The following PDE7B variants were observed in gnomAD, a reference collection of about 807,000 sequenced individuals.
PDE7B encodes phosphodiesterase 7B.
In PDE7B, 29 loss-of-function variants were observed where a neutral mutation model predicts 56.2. That is an observed-to-expected ratio of 0.52 (90% CI 0.38 to 0.70). PDE7B has a LOEUF of 0.70. PDE7B is among the 30% of genes least tolerant of loss of function. The probability of loss-of-function intolerance (pLI) is 0.00; values close to 1 mark genes in which losing one functional copy is unlikely to be tolerated. For synonymous variants in PDE7B, 197 were observed against 196.9 expected (o/e 1.00, Z 0.00); for missense variants, 490 against 565.0 (o/e 0.87, Z 1.35).
At chr6:135,950,707 G>C (rs1437994849) in intron 2 of PDE7B, among the ~76,000 whole-genome samples, 1 of 152,078 alleles carries the variant, frequency 6.6e-6, no homozygotes, top group Non-Finnish European at 1.5e-5. Flanking sequence ...CAGTTGGGGT[G>C]GAATCTGGAG....
intron 1 of PDE7B, among the ~76,000 whole-genome samples, chr6:135,908,046 T>A (rs964858106): frequency 3.3e-5 from 5 of 152,088 alleles, no homozygotes; most frequent in African/African-American, 9.7e-5. Context: ...TTAGATAATA[T>A]TTTGTGGAGT....
rs187886604 is a variant in PDE7B, at chr6:135,934,513, G to A, written c.22-12951G>A. ...AGGCCAAGGCAGGCGGATCACCTGA[G>A]GTCAGGAGTTCGAGACCAGTCTGGC... On this transcript the variant is annotated intron_variant, in intron 1 of 12. Transcript: ENST00000308191. Among the ~76,000 whole-genome samples, 222 of 151,436 alleles carry A rather than the reference G, an allele frequency of 1.5e-3. No homozygotes were observed. In the South Asian group the frequency reaches 0.022, roughly 15 times the overall value.
chr6:135,916,119 G>T (rs1773928679), intron 1 of PDE7B, among the ~76,000 whole-genome samples: 2 of 152,112 alleles, frequency 1.3e-5, no homozygotes, highest in East Asian at 1.9e-4. Context: ...TTTATAAAAG[G>T]TCACCAAGCT....
chr6:136,076,202 G>A (rs549210841), intron 2 of PDE7B, among the ~76,000 whole-genome samples: 8 of 152,326 alleles, frequency 5.3e-5, no homozygotes, highest in African/African-American at 1.9e-4. Context: ...CGGGCATGGT[G>A]GCTCATGCCT....
chr6:136,054,151 A>G (rs996179128), intron 2 of PDE7B, among the ~76,000 whole-genome samples: 3 of 152,144 alleles, frequency 2.0e-5, no homozygotes. Context: ...CCTGAATGGT[A>G]TTGCCTAGGT....
intron 3 of PDE7B, among the ~76,000 whole-genome samples, chr6:136,133,815 C>T (rs1051727131): frequency 2.0e-5 from 3 of 152,064 alleles, no homozygotes; most frequent in African/African-American, 7.2e-5. Context: ...TTGAGGTGGG[C>T]TGCCGAAGGA....
At chr6:135,876,262 A>G (rs186153413) in intron 1 of PDE7B, among the ~76,000 whole-genome samples, 2 of 152,154 alleles carry the variant, frequency 1.3e-5, no homozygotes, top group East Asian at 3.9e-4. Context: ...CTGGGGAGAG[A>G]GTGGCCTCCG....
chr6:136,029,923 ATAC>A (rs1776217655), intron 2 of PDE7B, among the ~76,000 whole-genome samples: 1 of 152,222 alleles, frequency 6.6e-6, no homozygotes, highest in Non-Finnish European at 1.5e-5. Context: ...TGTTGTATAC[ATAC>A]TACATGTTAA....
At chr6:136,165,256 CT>C (rs1440882614) in intron 8 of PDE7B, among the ~76,000 whole-genome samples, 1 of 152,102 alleles carries the variant, frequency 6.6e-6, no homozygotes, top group African/African-American at 2.4e-5. Context: ...AATGATTTGT[CT>C]CAGAAATAAG....
chr6:136,181,761 TA>T (rs534092328), intron 11 of PDE7B, among the ~76,000 whole-genome samples: 216 of 145,478 alleles, frequency 1.5e-3, no homozygotes, highest in Middle Eastern at 0.014. Context: ...CTTGCTTTCT[TA>T]AAAAAAAAAA....
At chr6:136,030,790 GA>G (rs1340418082) in intron 2 of PDE7B, among the ~76,000 whole-genome samples, 1 of 152,214 alleles carries the variant, frequency 6.6e-6, no homozygotes, top group East Asian at 1.9e-4. Flanking sequence ...AAAATAGCAG[GA>G]GGGGTGCAAC....
chr6:136,096,479 G>GTTT (rs1416043314), intron 2 of PDE7B, among the ~76,000 whole-genome samples: 1 of 127,892 alleles, frequency 7.8e-6, no homozygotes, highest in African/African-American at 3.2e-5. Context: ...CCCAATGAAT[G>GTTT]CTTTTTTTTT....
At chr6:136,091,251 C>T (rs2128216114) in intron 2 of PDE7B, among the ~76,000 whole-genome samples, 1 of 152,304 alleles carries the variant, frequency 6.6e-6, no homozygotes. Context: ...AACAACTGAT[C>T]ACAGATGGTT....
At chr6:136,172,600 T>C (rs922134427) in intron 8 of PDE7B, among the ~76,000 whole-genome samples, 3 of 152,046 alleles carry the variant, frequency 2.0e-5, no homozygotes, top group African/African-American at 7.2e-5. Flanking sequence ...TTCACTCTGA[T>C]GGTAGTTTCT....
intron 1 of PDE7B, among the ~76,000 whole-genome samples, chr6:135,915,302 C>T (rs968086259): frequency 1.3e-5 from 2 of 152,128 alleles, no homozygotes; most frequent in South Asian, 2.1e-4. Context: ...ATAAATTCTT[C>T]GGAGTGGAAT....
intron 2 of PDE7B, among the ~76,000 whole-genome samples, chr6:135,971,852 A>G (rs1387292889): frequency 6.6e-6 from 1 of 152,178 alleles, no homozygotes; most frequent in Admixed American, 6.5e-5. Flanking sequence ...CCTTATGTAA[A>G]TTTAGTTGTG....
At chr6:136,026,373 G>A (rs995406230) in intron 2 of PDE7B, among the ~76,000 whole-genome samples, 10 of 152,114 alleles carry the variant, frequency 6.6e-5, no homozygotes, top group African/African-American at 1.7e-4. Flanking sequence ...CCACCCTGCT[G>A]GTCACAGTCA....
At chr6:136,163,656 A>AT (rs1394482113) in intron 8 of PDE7B, among the ~76,000 whole-genome samples, 1 of 152,004 alleles carries the variant, frequency 6.6e-6, no homozygotes, top group Admixed American at 6.6e-5. Flanking sequence ...CAGCCTACAC[A>AT]TTTTCCAAAC....
intron 3 of PDE7B, among the ~76,000 whole-genome samples, chr6:136,135,854 G>T (rs907315998): frequency 5.9e-5 from 9 of 152,088 alleles, no homozygotes; most frequent in African/African-American, 2.2e-4. Context: ...ATTGAAGGGA[G>T]CACTGGTCTC....
Sources: gnomAD v4.1 joint callset for allele counts (sites outside exome capture counted in the v4.1 genomes callset) on GRCh38, gnomAD v4.1.1 for gene constraint, MANE v1.5 for transcripts, NCBI Gene and HGNC (gene_info 2026-07-23, HGNC 2026-07-21) for gene names.